CDKAL1: variants seen among roughly 807,000 people sequenced by gnomAD.
CDKAL1 encodes the protein CDKAL1 threonylcarbamoyladenosine tRNA methylthiotransferase.
Under a neutral mutation model 68.2 loss-of-function variants are expected in CDKAL1, and 32 were observed. That is an observed-to-expected ratio of 0.47 (90% CI 0.35 to 0.63). CDKAL1 has a LOEUF of 0.63. CDKAL1 is among the 30% of genes least tolerant of loss of function. CDKAL1 has a pLI of 0.00. For synonymous variants in CDKAL1, 234 were observed against 244.3 expected (o/e 0.96, Z 0.39); for missense variants, 606 against 696.7 (o/e 0.87, Z 1.47).
chr6:21,134,897 T>C (rs2446490), intron 13 of CDKAL1, among the ~76,000 whole-genome samples: 103,622 of 151,958 alleles, frequency 0.68, 35,413 homozygotes, highest in South Asian at 0.77. Flanking sequence ...ATTTTAAAAC[T>C]ACTTTTAACT....
intron 5 of CDKAL1, among the ~76,000 whole-genome samples, chr6:20,666,274 A>ATT (rs36034806): frequency 4.5e-4 from 66 of 147,542 alleles, no homozygotes; most frequent in Non-Finnish European, 4.0e-4. Context: ...TGCCCACTAG[A>ATT]TTTTTTTTTT....
intron 15 of CDKAL1, among the ~76,000 whole-genome samples, chr6:21,210,191 G>A (rs888802054): frequency 2.0e-5 from 3 of 152,168 alleles, no homozygotes; most frequent in Non-Finnish European, 4.4e-5. Context: ...ACAGAAGTTG[G>A]AGATACCATC....
chr6:20,717,072 G>A (rs149476137), intron 5 of CDKAL1, among the ~76,000 whole-genome samples: 1 of 152,180 alleles, frequency 6.6e-6, no homozygotes, highest in Non-Finnish European at 1.5e-5. Flanking sequence ...TGTCAATAGG[G>A]AACTGGTGGT....
intron 4 of CDKAL1, among the ~76,000 whole-genome samples, chr6:20,645,088 T>A (rs1300322149): frequency 6.6e-6 from 1 of 152,124 alleles, no homozygotes; most frequent in Non-Finnish European, 1.5e-5. Context: ...ATGAAAAATT[T>A]AAAATGGTGC....
rs1239323427 is a variant in CDKAL1, at chr6:20,610,348, T to G, written c.287-38945T>G. On this transcript the variant is annotated intron_variant, in intron 4 of 15. Coordinates refer to ENST00000274695, the MANE Select transcript of CDKAL1 (RefSeq NM_017774.3). ...TTTCTGTCTTTAGGTCTTTGAGGAA[T>G]CGCCATACAGTATTCCATAGTGGCT... Among the ~76,000 whole-genome samples, 5 of 152,338 alleles carry G rather than the reference T, an allele frequency of 3.3e-5. No homozygotes were observed. The East Asian group carries it at 9.6e-4, about 29-fold the overall frequency.
intron 13 of CDKAL1, among the ~76,000 whole-genome samples, chr6:21,129,166 T>C (rs1171214025): frequency 6.6e-6 from 1 of 152,202 alleles, no homozygotes; most frequent in Non-Finnish European, 1.5e-5. Flanking sequence ...AGTTGTTAAA[T>C]AATAATTATA....
chr6:20,664,062 C>A (rs151325450), intron 5 of CDKAL1, among the ~76,000 whole-genome samples: 2 of 151,896 alleles, frequency 1.3e-5, no homozygotes, highest in African/African-American at 2.4e-5. Context: ...TATAGGTTGG[C>A]GCCATTGGAT....
At chr6:20,936,991 T>C (rs1342945565) in intron 9 of CDKAL1, among the ~76,000 whole-genome samples, 1 of 152,226 alleles carries the variant, frequency 6.6e-6, no homozygotes, top group African/African-American at 2.4e-5. Flanking sequence ...TTTTCTTCCT[T>C]GTTTGCTTTT....
intron 9 of CDKAL1, among the ~76,000 whole-genome samples, chr6:20,904,232 G>A (rs1045142637): frequency 3.3e-5 from 5 of 152,088 alleles, no homozygotes; most frequent in Non-Finnish European, 5.9e-5. Flanking sequence ...TGAGTTTCAG[G>A]GAATTTAAAG....
At chr6:20,850,993 T>C (rs1758978876) in intron 9 of CDKAL1, among the ~76,000 whole-genome samples, 1 of 144,948 alleles carries the variant, frequency 6.9e-6, no homozygotes, top group Non-Finnish European at 1.5e-5. Flanking sequence ...CTTTTGTATA[T>C]AAATTACATC....
At chr6:20,573,976 G>A (rs1329580031) in intron 4 of CDKAL1, among the ~76,000 whole-genome samples, 2 of 152,146 alleles carry the variant, frequency 1.3e-5, no homozygotes, top group African/African-American at 2.4e-5. Context: ...AGTATAACTA[G>A]CTGGCTCATA....
intron 9 of CDKAL1, among the ~76,000 whole-genome samples, chr6:20,910,380 G>C (rs1487825205): frequency 6.6e-6 from 1 of 152,198 alleles, no homozygotes; most frequent in Non-Finnish European, 1.5e-5. Flanking sequence ...AAAAATACAG[G>C]AGGCTCATGG....
chr6:20,752,740 G>A (rs753879967), intron 6 of CDKAL1, among the ~76,000 whole-genome samples: 4 of 151,950 alleles, frequency 2.6e-5, no homozygotes, highest in Admixed American at 6.6e-5. Context: ...AAAAAGCTAC[G>A]ACACACTCTT....
At position 20,693,129 on chromosome 6, in the gene CDKAL1, CAA is replaced by C. The variant is rs70990059; in HGVS notation, c.371+43779_371+43780del. Among the ~76,000 whole-genome samples, 466 of 67,558 alleles carry C rather than the reference CAA, an allele frequency of 6.9e-3. 1 individual carries two copies. The highest frequency in any genetic ancestry group is 0.024 in the African/African-American group (433 of 17,848). The allele number at this position is 67,558 out of a possible 152,430, so 44.3% of individuals were successfully genotyped here. On this transcript the variant is annotated intron_variant, in intron 5 of 15. Coordinates refer to ENST00000274695, the MANE Select transcript of CDKAL1 (RefSeq NM_017774.3). ...TGGGCAACAAAGCGAGACTCTGTCTCAAAAAAAAAAAAAAAAAAAAAAAAAAA... is the reference window on the plus strand; with the variant it reads ...TGGGCAACAAAGCGAGACTCTGTCTCAAAAAAAAAAAAAAAAAAAAAAAAA...
intron 5 of CDKAL1, among the ~76,000 whole-genome samples, chr6:20,722,723 T>G (rs1772440489): frequency 6.6e-6 from 1 of 152,106 alleles, no homozygotes; most frequent in Non-Finnish European, 1.5e-5. Context: ...TCTGGTTGGT[T>G]CTTTCTGATT....
In CDKAL1 at chr6:20,818,159, T is replaced by G. The variant is rs1777125869; in HGVS notation, c.639-27916T>G. ...CAATGTCTTTTTTGGTCTTGGGAGA[T>G]CAAATGACAAACTATCACAATCAAG... is the stretch of plus-strand genomic sequence containing the variant. On this transcript the variant is annotated intron_variant, in intron 8 of 15. Coordinates refer to ENST00000274695, the MANE Select transcript of CDKAL1 (RefSeq NM_017774.3). Among the ~76,000 whole-genome samples, 3 of 152,178 alleles carry G rather than the reference T, an allele frequency of 2.0e-5. No homozygotes were observed. The South Asian group carries it at 6.2e-4, about 32-fold the overall frequency.
chr6:21,118,370 A>G (rs1164820532), intron 13 of CDKAL1, among the ~76,000 whole-genome samples: 1 of 152,202 alleles, frequency 6.6e-6, no homozygotes, highest in East Asian at 1.9e-4. Context: ...CTGTTTGCAG[A>G]CTGGGCTCCC....
At chr6:20,968,503 G>A (rs1765440048) in intron 10 of CDKAL1, among the ~76,000 whole-genome samples, 1 of 151,994 alleles carries the variant, frequency 6.6e-6, no homozygotes, top group Admixed American at 6.6e-5. Flanking sequence ...GCCACTATTT[G>A]TTCAAATATT....
At chr6:20,606,298 G>A (rs932405) in intron 4 of CDKAL1, among the ~76,000 whole-genome samples, 1,663 of 152,258 alleles carry the variant, frequency 0.011, 28 homozygotes, top group African/African-American at 0.036. Flanking sequence ...GTGAGAGCCT[G>A]TTGTTAGTTA....
Sources: allele counts gnomAD v4.1 joint callset (sites outside exome capture counted in the v4.1 genomes callset), GRCh38; gene constraint gnomAD v4.1.1; transcripts MANE v1.5; gene names NCBI Gene and HGNC (gene_info 2026-07-23, HGNC 2026-07-21).